Variants in OPCML observed in about 807,000 individuals in gnomAD.
OPCML encodes the protein opioid binding protein/cell adhesion molecule like.
In OPCML, 13 loss-of-function variants were observed where a neutral mutation model predicts 37.8. The observed-to-expected ratio is 0.34, with a 90% CI of 0.22 to 0.55. OPCML has a LOEUF of 0.55. Ranked by LOEUF, OPCML falls within the 20% of genes least tolerant of loss-of-function variation. The probability of loss-of-function intolerance (pLI) is 0.91; values close to 1 mark genes in which losing one functional copy is unlikely to be tolerated. For missense variants in OPCML, 341 were observed against 435.6 expected (o/e 0.78, Z 1.93); for synonymous variants, 176 against 168.8 (o/e 1.04, Z -0.33).
At chr11:133,315,592 A>C (rs1046320602) in intron 1 of OPCML, among the ~76,000 whole-genome samples, 4 of 152,218 alleles carry the variant, frequency 2.6e-5, no homozygotes, top group African/African-American at 9.6e-5. Context: ...TGAGGTCAAG[A>C]GTTTAAGACC....
intron 1 of OPCML, among the ~76,000 whole-genome samples, chr11:133,189,355 C>A (rs552554234): frequency 6.6e-6 from 1 of 152,274 alleles, no homozygotes; most frequent in African/African-American, 2.4e-5. Flanking sequence ...AAGGTGAAGA[C>A]TAAGGAAGAA....
At chr11:133,437,100 AT>A (rs1161080235) in intron 1 of OPCML, among the ~76,000 whole-genome samples, 1 of 152,132 alleles carries the variant, frequency 6.6e-6, no homozygotes, top group Non-Finnish European at 1.5e-5. Context: ...CATCTATCTA[AT>A]TTATACGACA....
chr11:133,231,185 G>T (rs1940260516), intron 1 of OPCML, among the ~76,000 whole-genome samples: 1 of 152,134 alleles, frequency 6.6e-6, no homozygotes, highest in African/African-American at 2.4e-5. Context: ...AGCATAATCA[G>T]CCACCTAAGG....
At chr11:132,599,456 G>A (rs987309981) in intron 3 of OPCML, among the ~76,000 whole-genome samples, 6 of 150,968 alleles carry the variant, frequency 4.0e-5, no homozygotes, top group African/African-American at 1.5e-4. Flanking sequence ...AGGAGGAAGA[G>A]GAGGAGGAGG....
intron 4 of OPCML, among the ~76,000 whole-genome samples, chr11:132,485,554 C>T (rs1036094445): frequency 6.6e-6 from 1 of 152,308 alleles, no homozygotes; most frequent in South Asian, 2.1e-4. Context: ...CCATGTGGCT[C>T]CTGCCACCCC....
chr11:132,965,528 G>A (rs896434766), intron 1 of OPCML, among the ~76,000 whole-genome samples: 4 of 151,846 alleles, frequency 2.6e-5, no homozygotes, highest in Non-Finnish European at 5.9e-5. Flanking sequence ...GTTGTTTGTT[G>A]TTTTTTGTTT....
chr11:133,243,171 A>G (rs1449266014), intron 1 of OPCML, among the ~76,000 whole-genome samples: 1 of 152,194 alleles, frequency 6.6e-6, no homozygotes, highest in Non-Finnish European at 1.5e-5. Flanking sequence ...TATTCTTGAG[A>G]GCAACTGGTT....
chr11:132,951,404 C>G (rs1429747776), intron 1 of OPCML, among the ~76,000 whole-genome samples: 1 of 152,154 alleles, frequency 6.6e-6, no homozygotes, highest in Non-Finnish European at 1.5e-5. Flanking sequence ...GAAGAAAACT[C>G]TCTCTGTTCT....
chr11:133,019,050 G>A (rs184519393), intron 1 of OPCML, among the ~76,000 whole-genome samples: 1 of 152,316 alleles, frequency 6.6e-6, no homozygotes, highest in Non-Finnish European at 1.5e-5. Flanking sequence ...ATGTTACTGT[G>A]AGTGATTATG....
chr11:133,215,109 C>CTTAA (rs1478946238), intron 1 of OPCML, among the ~76,000 whole-genome samples: 1 of 152,154 alleles, frequency 6.6e-6, no homozygotes, highest in Admixed American at 6.5e-5. Context: ...ATGGCAAAGG[C>CTTAA]TTAAGCAGCT....
chr11:132,585,099 G>C (rs978305042), intron 3 of OPCML, among the ~76,000 whole-genome samples: 1 of 152,076 alleles, frequency 6.6e-6, no homozygotes, highest in Non-Finnish European at 1.5e-5. Flanking sequence ...ATTATGTAAG[G>C]AGGCAGCTTT....
chr11:132,506,675 C>T (rs2096257560), intron 4 of OPCML, among the ~76,000 whole-genome samples: 1 of 152,100 alleles, frequency 6.6e-6, no homozygotes, highest in South Asian at 2.1e-4. Context: ...TAATAAGACT[C>T]ACACAGGCTG....
At chr11:133,336,103 G>C (rs1465419079) in intron 1 of OPCML, among the ~76,000 whole-genome samples, 1 of 152,208 alleles carries the variant, frequency 6.6e-6, no homozygotes, top group Non-Finnish European at 1.5e-5. Flanking sequence ...TCAGAACAAA[G>C]GTGAGGGCTG....
chr11:132,438,180 C>T (rs1205880451), intron 4 of OPCML, among the ~76,000 whole-genome samples: 5 of 152,216 alleles, frequency 3.3e-5, no homozygotes, highest in African/African-American at 9.6e-5. Context: ...TTGCAACAAT[C>T]TGGCCTCTCC....
chr11:133,223,542 G>T (rs1000883650), intron 1 of OPCML, among the ~76,000 whole-genome samples: 2 of 152,168 alleles, frequency 1.3e-5, no homozygotes, highest in African/African-American at 4.8e-5. Flanking sequence ...GGGGACGGGG[G>T]TCAGAGGCAA....
At chr11:132,870,648 G>A (rs1468798573) in intron 2 of OPCML, among the ~76,000 whole-genome samples, 5 of 152,198 alleles carry the variant, frequency 3.3e-5, no homozygotes, top group Non-Finnish European at 7.3e-5. Flanking sequence ...AATATGGAAA[G>A]AACGTAAGTG....
chr11:133,204,882 A>ATATATGTGTATATATATATATATATGTG (rs1555114200), intron 1 of OPCML, among the ~76,000 whole-genome samples: 247 of 30,086 alleles, frequency 8.2e-3, no homozygotes, highest in Non-Finnish European at 0.017. Context: ...ATATATATAT[A>ATATATGTGTATATATATATATATATGTG]TATATATATA....
intron 1 of OPCML, among the ~76,000 whole-genome samples, chr11:132,960,568 C>T (rs1591849939): frequency 6.6e-6 from 1 of 152,196 alleles, no homozygotes; most frequent in East Asian, 1.9e-4. Flanking sequence ...CTCTTCTGCT[C>T]TATTTTCCAC....
At chr11:132,839,371 C>T (rs559948865) in intron 2 of OPCML, among the ~76,000 whole-genome samples, 1 of 152,266 alleles carries the variant, frequency 6.6e-6, no homozygotes, top group African/African-American at 2.4e-5. Context: ...AGATCGGAAC[C>T]GCAAGCATGA....
Sources: allele counts gnomAD v4.1 joint callset (sites outside exome capture counted in the v4.1 genomes callset), GRCh38; gene constraint gnomAD v4.1.1; transcripts MANE v1.5; gene names NCBI Gene and HGNC (gene_info 2026-07-23, HGNC 2026-07-21).